WDFY3: variants seen among roughly 807,000 people sequenced by gnomAD.
WDFY3 encodes the protein WD repeat and FYVE domain-containing protein 3.
A neutral mutation model predicts 409.6 loss-of-function variants in WDFY3; 66 were observed. That is an observed-to-expected ratio of 0.16 (90% CI 0.13 to 0.20). WDFY3 has a LOEUF of 0.20. Among genes scored for constraint, WDFY3 ranks in the 10% least tolerant of loss-of-function variants. The probability of loss-of-function intolerance (pLI) is 1.00; values close to 1 mark genes in which losing one functional copy is unlikely to be tolerated. For missense variants in WDFY3, 3,031 were observed against 4,298.1 expected (o/e 0.71, Z 8.24); for synonymous variants, 1,521 against 1,537.1 (o/e 0.99, Z 0.25).
intron 3 of WDFY3, among the ~76,000 whole-genome samples, chr4:84,871,861 CT>C (rs1316916546): frequency 6.6e-6 from 1 of 152,182 alleles, no homozygotes. Context: ...TCTCAAACTC[CT>C]GGCTCAAGTG....
intron 5 of WDFY3, among the ~76,000 whole-genome samples, chr4:84,842,511 C>T (rs1001369427): frequency 1.3e-5 from 2 of 150,488 alleles, no homozygotes; most frequent in African/African-American, 4.9e-5. Flanking sequence ...AATTTGTTCA[C>T]TAGGAACTAA....
At chr4:84,963,650 T>A (rs895590197) in intron 1 of WDFY3, among the ~76,000 whole-genome samples, 3 of 152,206 alleles carry the variant, frequency 2.0e-5, no homozygotes, top group African/African-American at 7.2e-5. Context: ...TATGCTATGA[T>A]AATCTCAGAT....
intron 1 of WDFY3, among the ~76,000 whole-genome samples, chr4:84,944,803 T>A (rs539707604): frequency 3.9e-5 from 6 of 151,902 alleles, no homozygotes; most frequent in African/African-American, 1.2e-4. Flanking sequence ...AAAAAATAAA[T>A]AAAAATAAAT....
intron 44 of WDFY3, among the ~76,000 whole-genome samples, chr4:84,729,836 A>C (rs1736293685): frequency 6.6e-6 from 1 of 152,234 alleles, no homozygotes; most frequent in Non-Finnish European, 1.5e-5. Flanking sequence ...TTAATCAATA[A>C]GGCAAAAGAT....
chr4:84,820,229 T>G, intron 11 of WDFY3, 43 bp from the exon 12 acceptor site: 1 of 1,467,406 alleles, frequency 6.8e-7, no homozygotes, highest in South Asian at 1.3e-5. Context: ...AGTGATAAGC[T>G]TATTTTTTCT....
At chr4:84,824,716 C>G (rs2149853344) in intron 10 of WDFY3, among the ~76,000 whole-genome samples, 1 of 152,272 alleles carries the variant, frequency 6.6e-6, no homozygotes, top group South Asian at 2.1e-4. Context: ...AAATTCAACA[C>G]TCAATTGAGT....
In WDFY3 at chr4:84,735,093, T is replaced by C. The variant is rs1383247011; in HGVS notation, c.6943A>G (p.Ile2315Val). 6 of 1,613,168 alleles carry C rather than the reference T, an allele frequency of 3.7e-6. No homozygotes were observed. Among genetic ancestry groups the C allele is most frequent in the Non-Finnish European group, 4.2e-6 (5 of 1,179,916 alleles). The change falls in exon 43 of 68, where the codon ATT becomes GTT. Residue 2315 changes from isoleucine to valine, a missense_variant. Ile to Val is a conservative substitution (Grantham distance 29, BLOSUM62 3). Coordinates refer to ENST00000295888, the MANE Select transcript of WDFY3 (RefSeq NM_014991.6). ...TCTACTAAGTCACGAACAACAGCAA[T>C]GTGAGTAAACATCCACTGCGAAATC... ...QEISQWMFTHIAVVRDLVDTQ... is the reference protein window; with the variant it reads ...QEISQWMFTHVAVVRDLVDTQ...
intron 2 of WDFY3, among the ~76,000 whole-genome samples, chr4:84,902,590 T>C (rs1462945043): frequency 2.6e-5 from 4 of 152,160 alleles, no homozygotes; most frequent in Non-Finnish European, 4.4e-5. Flanking sequence ...GAAGAAACTT[T>C]TTAGAAGGGC....
intron 2 of WDFY3, among the ~76,000 whole-genome samples, chr4:84,929,110 T>C (rs1163934273): frequency 6.6e-6 from 1 of 152,186 alleles, no homozygotes; most frequent in African/African-American, 2.4e-5. Flanking sequence ...CTTGCACTAA[T>C]GGAAGTTGAT....
chr4:84,864,309 T>G (rs1365533524), intron 3 of WDFY3, among the ~76,000 whole-genome samples: 1 of 134,274 alleles, frequency 7.4e-6, no homozygotes, highest in African/African-American at 2.9e-5. Context: ...GGAGTTGCAG[T>G]GAGCTGAGAT....
chr4:84,743,661 G>T, intron 37 of WDFY3, 39 bp downstream of exon 37: 1 of 1,472,542 alleles, frequency 6.8e-7, no homozygotes, highest in South Asian at 1.4e-5. Flanking sequence ...AGAGGAAAGT[G>T]ATTATAGGTA....
chr4:84,780,091 G>A lies in WDFY3; in HGVS notation c.4365+17C>T. ...AGGTGCCAGGTGAAGTGAAGGCAAA[G>A]TTTTACAGTTACAAACCTGGTAGCC... On this transcript the variant is annotated intron_variant, in intron 26 of 67. Coordinates refer to ENST00000295888, the MANE Select transcript of WDFY3 (RefSeq NM_014991.6). The A allele has an allele frequency of 6.4e-7, 1 of 1,554,546 alleles. No individual in the cohort carries two copies. Among genetic ancestry groups the A allele is most frequent in the Non-Finnish European group, 8.7e-7 (1 of 1,150,530 alleles).
At chr4:84,687,508 CTTTGT>C (rs1728531233) in intron 62 of WDFY3, among the ~76,000 whole-genome samples, 2 of 152,230 alleles carry the variant, frequency 1.3e-5, no homozygotes, top group East Asian at 1.9e-4. Context: ...TTCTAGAAAG[CTTTGT>C]TTTATTTTAA....
At position 84,796,756 on chromosome 4, in the gene WDFY3, T is replaced by C. The variant is rs780414515; in HGVS notation, c.2936-4A>G. ...TCCAGAGATGTGATCATACTACCTGTAAGTCAAGGAAATCTCTTGGGAAAA... is the reference window on the plus strand; with the variant it reads ...TCCAGAGATGTGATCATACTACCTGCAAGTCAAGGAAATCTCTTGGGAAAA... On this transcript the variant is annotated splice_region_variant and splice_polypyrimidine_tract_variant and intron_variant, in intron 18 of 67. Transcript: ENST00000295888. 20 of 1,603,284 alleles carry C rather than the reference T, an allele frequency of 1.2e-5. No homozygotes were observed. In the South Asian group the frequency reaches 2.2e-4, roughly 18 times the overall value.
intron 9 of WDFY3, among the ~76,000 whole-genome samples, chr4:84,828,292 TA>T (rs5859950): frequency 0.98 from 149,226 of 152,248 alleles, 73,218 homozygotes; most frequent in East Asian, 1. Context: ...AAAAGGGGGT[TA>T]AGTAACACAT....
intron 62 of WDFY3, chr4:84,687,672 A>G (rs946840770): frequency 6.5e-6 from 1 of 153,208 alleles, no homozygotes; most frequent in Non-Finnish European, 1.5e-5. Context: ...AGTATCTATC[A>G]ACTTCAAAAA....
In WDFY3 at chr4:84,766,131, T is replaced by C; in HGVS notation, c.4971-104A>G. On this transcript the variant is annotated intron_variant, in intron 31 of 67. Coordinates refer to ENST00000295888, the MANE Select transcript of WDFY3 (RefSeq NM_014991.6). ...AGAAGACTGAGTTTCATTCTGGAGA[T>C]ACTATAAATTTCAGGGTTAAAAAAA... The C allele has an allele frequency of 3.4e-6, 5 of 1,484,156 alleles. No individual in the cohort carries two copies. The East Asian group carries it at 1.1e-4, about 34-fold the overall frequency. 91.9% of individuals were successfully genotyped at this position (1,484,156 alleles called of 1,614,324 possible).
chr4:84,751,178 C>T (rs1366443362), intron 36 of WDFY3: 3 of 398,650 alleles, frequency 7.5e-6, no homozygotes, highest in Middle Eastern at 8.0e-4. Flanking sequence ...ACAGATGTGA[C>T]AGAGACCGTA....
Position 84,786,063 on chromosome 4 carries a change from G to C in WDFY3, c.3978C>G (p.Leu1326=), listed in dbSNP as rs762336880. The change falls in exon 24 of 68, where the codon CTC becomes CTG. Residue 1326 remains leucine, a synonymous_variant. Coordinates refer to ENST00000295888, the MANE Select transcript of WDFY3 (RefSeq NM_014991.6). ...TTAGAGACGACACAGAGAGTGCATA[G>C]AGGCCAAATGACACTTTCTCCTCTG... The part of the protein sequence containing the change: ...LVPEEKVSFG[L]YALSVSSLTV... 4 of 1,613,820 alleles carry C rather than the reference G, an allele frequency of 2.5e-6. No homozygotes were observed. In the East Asian group the frequency reaches 6.7e-5, roughly 27 times the overall value.
Sources: gnomAD v4.1 joint callset for allele counts (sites outside exome capture counted in the v4.1 genomes callset) on GRCh38, gnomAD v4.1.1 for gene constraint, MANE v1.5 for transcripts, NCBI Gene and HGNC (gene_info 2026-07-23, HGNC 2026-07-21) for gene names.